Variants in MALRD1 observed in about 807,000 individuals in gnomAD.
MALRD1 encodes the protein MAM and LDL receptor class A domain containing 1.
MALRD1 carries 247 observed loss-of-function variants against 242.1 expected under a neutral mutation model. The ratio of observed to expected loss-of-function variants is 1.02; its 90% CI spans 0.92 to 1.13. The LOEUF (loss-of-function observed/expected upper bound fraction) is 1.13, where lower values mean the gene tolerates loss of function less well. Ranked by LOEUF, MALRD1 falls within the 50% of genes most tolerant of loss-of-function variation. The pLI, the probability that MALRD1 is intolerant of heterozygous loss-of-function variation, is 0.00. For synonymous variants in MALRD1, 995 were observed against 866.6 expected (o/e 1.15, Z -2.60); for missense variants, 2,989 against 2,533.1 (o/e 1.18, Z -3.86).
At chr10:19,333,501 T>C (rs1365364175) in intron 24 of MALRD1, among the ~76,000 whole-genome samples, 2 of 152,188 alleles carry the variant, frequency 1.3e-5, no homozygotes, top group Non-Finnish European at 2.9e-5. Flanking sequence ...GACTGTGTAT[T>C]ATTCCGTGGT....
chr10:19,336,570 G>C (rs564825490), intron 24 of MALRD1, among the ~76,000 whole-genome samples: 2 of 152,260 alleles, frequency 1.3e-5, no homozygotes, highest in East Asian at 3.9e-4. Flanking sequence ...AATTAGGCTT[G>C]AGATCAATGA....
chr10:19,652,066 A>G (rs1180244802), intron 36 of MALRD1, among the ~76,000 whole-genome samples: 3 of 152,110 alleles, frequency 2.0e-5, no homozygotes, highest in African/African-American at 4.8e-5. Flanking sequence ...AACTGATGAA[A>G]CTGCCAACAG....
intron 33 of MALRD1, 41 bp from the exon 34 acceptor site, chr10:19,595,153 C>A: frequency 6.6e-7 from 1 of 1,517,100 alleles, no homozygotes; most frequent in Middle Eastern, 1.9e-4. Context: ...TGGAGGGAAA[C>A]TCCCTAATGC....
intron 10 of MALRD1, among the ~76,000 whole-genome samples, chr10:19,143,703 C>T (rs982453927): frequency 4.6e-5 from 7 of 152,118 alleles, no homozygotes; most frequent in Admixed American, 3.3e-4. Flanking sequence ...AGGATTCCTT[C>T]GTCAAATCCA....
intron 24 of MALRD1, among the ~76,000 whole-genome samples, chr10:19,332,345 A>G (rs1018948350): frequency 1.1e-4 from 16 of 152,078 alleles, no homozygotes; most frequent in Admixed American, 7.9e-4. Context: ...AAATACCTGT[A>G]TATAAAATAG....
At chr10:19,469,818 C>G (rs1003264779) in intron 29 of MALRD1, among the ~76,000 whole-genome samples, 3 of 151,902 alleles carry the variant, frequency 2.0e-5, no homozygotes, top group Non-Finnish European at 4.4e-5. Flanking sequence ...ATATAAAAAG[C>G]TCTATTTAGT....
intron 36 of MALRD1, among the ~76,000 whole-genome samples, chr10:19,629,317 G>C (rs1839810741): frequency 1.3e-5 from 2 of 152,148 alleles, no homozygotes; most frequent in Admixed American, 1.3e-4. Flanking sequence ...ACAGGGATTT[G>C]TGATCCAGAT....
intron 29 of MALRD1, among the ~76,000 whole-genome samples, chr10:19,451,527 C>A (rs1835327381): frequency 6.6e-6 from 1 of 152,050 alleles, no homozygotes; most frequent in African/African-American, 2.4e-5. Context: ...CAAAATAATC[C>A]TGTGTGAGAT....
At chr10:19,309,624 G>A (rs187056910) in intron 21 of MALRD1, among the ~76,000 whole-genome samples, 1 of 151,534 alleles carries the variant, frequency 6.6e-6, no homozygotes, top group Non-Finnish European at 1.5e-5. Context: ...TGGTGTTGGT[G>A]TTTAATACTG....
rs1311833336 is a variant in MALRD1, at chr10:19,231,895, CA to C, written c.2991+22219del. Among the ~76,000 whole-genome samples, 5 of 151,642 alleles carry C rather than the reference CA, an allele frequency of 3.3e-5. No individual in the cohort carries two copies. In the South Asian group the frequency reaches 1.0e-3, roughly 32 times the overall value. On this transcript the variant is annotated intron_variant, in intron 18 of 39. Coordinates refer to ENST00000454679, the MANE Select transcript of MALRD1 (RefSeq NM_001142308.3). ...AAACTTGACTCATATAGACTTAAAA[CA>C]AAATAATTAAGCATGGCTAATATTT...
intron 36 of MALRD1, among the ~76,000 whole-genome samples, chr10:19,660,297 T>C (rs1841367608): frequency 6.6e-6 from 1 of 152,204 alleles, no homozygotes. Context: ...TGTGACATTC[T>C]GGGTTATACA....
intron 19 of MALRD1, among the ~76,000 whole-genome samples, chr10:19,259,892 T>TG (rs1839672032): frequency 2.0e-5 from 3 of 152,158 alleles, no homozygotes; most frequent in Non-Finnish European, 4.4e-5. Context: ...TTTCTCCACA[T>TG]CACCTATCAC....
At chr10:19,543,433 C>CT (rs71388849) in intron 32 of MALRD1, among the ~76,000 whole-genome samples, 33,733 of 106,232 alleles carry the variant, frequency 0.32, 6,812 homozygotes, top group Admixed American at 0.46. Context: ...CAGCTGATTT[C>CT]TTTTTTTTTT....
intron 33 of MALRD1, among the ~76,000 whole-genome samples, chr10:19,593,774 A>T (rs1372020918): frequency 6.6e-6 from 1 of 152,214 alleles, no homozygotes; most frequent in African/African-American, 2.4e-5. Context: ...GAAACGTTTC[A>T]TGTAACAAAA....
At chr10:19,326,837 T>A (rs1019920755) in intron 22 of MALRD1, among the ~76,000 whole-genome samples, 1 of 152,166 alleles carries the variant, frequency 6.6e-6, no homozygotes, top group African/African-American at 2.4e-5. Context: ...TAAAAAGTAA[T>A]GTTGTGAAAT....
intron 18 of MALRD1, among the ~76,000 whole-genome samples, chr10:19,244,661 T>C (rs1564498388): frequency 1.3e-5 from 2 of 152,166 alleles, no homozygotes; most frequent in African/African-American, 4.8e-5. Context: ...AAAATGGCCA[T>C]TGCTACTTGC....
chr10:19,602,541 C>A (rs1021489235), intron 34 of MALRD1, among the ~76,000 whole-genome samples: 3 of 151,888 alleles, frequency 2.0e-5, no homozygotes, highest in Non-Finnish European at 4.4e-5. Context: ...TTTTTTACGG[C>A]TGCATAGTGT....
At chr10:19,636,023 T>C (rs941806897) in intron 36 of MALRD1, among the ~76,000 whole-genome samples, 3 of 151,334 alleles carry the variant, frequency 2.0e-5, no homozygotes, top group Non-Finnish European at 4.4e-5. Flanking sequence ...GCCTCAGCCT[T>C]CCCAGTAGCT....
chr10:19,211,080 T>C (rs1588702729), intron 18 of MALRD1, among the ~76,000 whole-genome samples: 1 of 152,160 alleles, frequency 6.6e-6, no homozygotes, highest in Non-Finnish European at 1.5e-5. Context: ...ATTGGGTCAA[T>C]TATGATTTGC....
Sources: allele counts gnomAD v4.1 joint callset (sites outside exome capture counted in the v4.1 genomes callset), GRCh38; gene constraint gnomAD v4.1.1; transcripts MANE v1.5; gene names NCBI Gene and HGNC (gene_info 2026-07-23, HGNC 2026-07-21).